Variants in AVL9 observed in about 807,000 individuals in gnomAD.
The protein encoded by AVL9 is AVL9 cell migration associated.
AVL9 carries 49 observed loss-of-function variants against 79.2 expected under a neutral mutation model. The ratio of observed to expected loss-of-function variants is 0.62; its 90% CI spans 0.49 to 0.79. The LOEUF is 0.79. AVL9 is among the 30% of genes least tolerant of loss of function. AVL9 has a pLI of 0.00. For missense variants in AVL9, 682 were observed against 776.8 expected (o/e 0.88, Z 1.45); for synonymous variants, 299 against 280.6 (o/e 1.07, Z -0.65).
At chr7:32,560,087 C>T (rs950886042) in intron 10 of AVL9, 2 of 151,982 alleles carry the variant, frequency 1.3e-5, no homozygotes, top group Non-Finnish European at 2.9e-5. Flanking sequence ...GTAACTCGCG[C>T]CTGTGGTCCC....
At chr7:32,549,204 A>G (rs1388973880) in intron 4 of AVL9, among the ~76,000 whole-genome samples, 8 of 83,010 alleles carry the variant, frequency 9.6e-5, no homozygotes, top group Non-Finnish European at 1.8e-4. Flanking sequence ...TCCAAAAAAA[A>G]AAAATTTTAT....
chr7:32,551,018 T>C (rs1033939590), intron 4 of AVL9, among the ~76,000 whole-genome samples: 1 of 152,166 alleles, frequency 6.6e-6, no homozygotes, highest in African/African-American at 2.4e-5. Flanking sequence ...ACTATTTTCA[T>C]ATGCCCATGT....
chr7:32,578,094 CATGGCCAAAAACAGGTTATG>C (rs1791181029), intron 13 of AVL9, among the ~76,000 whole-genome samples: 1 of 152,056 alleles, frequency 6.6e-6, no homozygotes, highest in African/African-American at 2.4e-5. Context: ...GGGCTTGGAG[CATGGCCAAAAACAGGTTATG>C]GTGGTAAGTC....
At chr7:32,565,644 A>C (rs1790529987) in intron 10 of AVL9, among the ~76,000 whole-genome samples, 1 of 152,102 alleles carries the variant, frequency 6.6e-6, no homozygotes, top group Non-Finnish European at 1.5e-5. Context: ...CAGAAGAATC[A>C]CTTGAGCTCA....
At chr7:32,574,989 T>C (rs1791022205) in intron 12 of AVL9, among the ~76,000 whole-genome samples, 1 of 152,194 alleles carries the variant, frequency 6.6e-6, no homozygotes, top group African/African-American at 2.4e-5. Context: ...CTCCAAACCA[T>C]TTCTAATCTT....
At position 32,585,271 on chromosome 7, in the gene AVL9, A is replaced by AG. The variant is rs1481965919; in HGVS notation, c.*1365dup. ...AAGTATTAAATAGAAATCTCATCTT[A>AG]GTTTATATTCAGCAAAGTAAGAGGC... is the stretch of plus-strand genomic sequence containing the variant. On this transcript the variant is annotated 3_prime_UTR_variant, in exon 16 of 16. Coordinates refer to ENST00000318709, the MANE Select transcript of AVL9 (RefSeq NM_015060.3). 6.6e-5 allele frequency: 10 copies of AG among 152,224 alleles called. No individual in the cohort carries two copies. Among genetic ancestry groups the AG allele is most frequent in the African/African-American group, 1.9e-4 (8 of 41,460 alleles). 9.4% of individuals were successfully genotyped at this position (152,224 alleles called of 1,614,324 possible).
intron 8 of AVL9, among the ~76,000 whole-genome samples, chr7:32,558,140 C>A (rs1285317656): frequency 6.6e-6 from 1 of 151,136 alleles, no homozygotes; most frequent in East Asian, 1.9e-4. Flanking sequence ...AGGTGTGAGC[C>A]AGCCACCAAG....
At chr7:32,566,596 T>C (rs1790582072) in intron 10 of AVL9, among the ~76,000 whole-genome samples, 1 of 151,834 alleles carries the variant, frequency 6.6e-6, no homozygotes, top group African/African-American at 2.4e-5. Flanking sequence ...ATGTGACTTT[T>C]GGCCAGGTGC....
chr7:32,552,119 A>G (rs1583564168), intron 5 of AVL9, 110 bp from the exon 6 acceptor site: 2 of 676,228 alleles, frequency 3.0e-6, no homozygotes, highest in South Asian at 3.4e-5. Flanking sequence ...TTTAGCGCCT[A>G]GCAGAACAAA....
chr7:32,554,261 G>A (rs890607838), intron 7 of AVL9, among the ~76,000 whole-genome samples: 2 of 152,094 alleles, frequency 1.3e-5, no homozygotes, highest in Non-Finnish European at 2.9e-5. Context: ...TGGACATCCA[G>A]AAATAAAGTA....
At chr7:32,518,486 A>C (rs907132873) in intron 1 of AVL9, among the ~76,000 whole-genome samples, 2 of 147,004 alleles carry the variant, frequency 1.4e-5, no homozygotes, top group African/African-American at 4.9e-5. Context: ...TGTTTCAAAA[A>C]AAAAAGTATG....
At chr7:32,503,492 A>G (rs1435377751) in intron 1 of AVL9, among the ~76,000 whole-genome samples, 1 of 139,142 alleles carries the variant, frequency 7.2e-6, no homozygotes, top group Non-Finnish European at 1.5e-5. Flanking sequence ...TGGGAGGCAG[A>G]GGTTGCAGTG....
chr7:32,516,004 T>C (rs182276766), intron 1 of AVL9, among the ~76,000 whole-genome samples: 35 of 152,242 alleles, frequency 2.3e-4, no homozygotes, highest in Admixed American at 2.3e-3. Context: ...CGAAGAAAAA[T>C]CTAGAGATGA....
At chr7:32,579,531 T>A (rs897141537) in intron 13 of AVL9, among the ~76,000 whole-genome samples, 88 of 4,448 alleles carry the variant, frequency 0.02, 26 homozygotes, top group African/African-American at 0.062. Context: ...ATATTATATA[T>A]TATATTATAT....
At chr7:32,575,086 CT>C (rs1562798962) in intron 12 of AVL9, among the ~76,000 whole-genome samples, 1 of 103,362 alleles carries the variant, frequency 9.7e-6, no homozygotes, top group Admixed American at 1.1e-4. Flanking sequence ...TCTTTTAAGA[CT>C]TTTTTTGTTT....
chr7:32,564,593 A>G (rs1191061326), intron 10 of AVL9, among the ~76,000 whole-genome samples: 1 of 152,220 alleles, frequency 6.6e-6, no homozygotes, highest in African/African-American at 2.4e-5. Context: ...GAAAGTCTTC[A>G]GCTTACCAAC....
At chr7:32,527,193 G>C (rs1156266189) in intron 1 of AVL9, among the ~76,000 whole-genome samples, 1 of 152,102 alleles carries the variant, frequency 6.6e-6, no homozygotes, top group African/African-American at 2.4e-5. Flanking sequence ...GCTATTGTGT[G>C]GCACCTTTCT....
chr7:32,564,015 C>G (rs1367359463), intron 10 of AVL9, among the ~76,000 whole-genome samples: 1 of 152,136 alleles, frequency 6.6e-6, no homozygotes, highest in Non-Finnish European at 1.5e-5. Flanking sequence ...CTTCCTATAC[C>G]TTTCGGAGCC....
At chr7:32,555,052 T>G (rs376011525) in intron 8 of AVL9, among the ~76,000 whole-genome samples, 94 of 152,196 alleles carry the variant, frequency 6.2e-4, no homozygotes, top group African/African-American at 2.1e-3. Flanking sequence ...CTAATAAGAA[T>G]TCTTGGCCGG....
Sources: allele counts gnomAD v4.1 joint callset (sites outside exome capture counted in the v4.1 genomes callset), GRCh38; gene constraint gnomAD v4.1.1; transcripts MANE v1.5; gene names NCBI Gene and HGNC (gene_info 2026-07-23, HGNC 2026-07-21).